Variants in ZSCAN9 observed in about 807,000 individuals in gnomAD.
ZSCAN9 encodes zinc finger and SCAN domain containing 9, also known as zinc finger and SCAN domain-containing protein 9.
A neutral mutation model predicts 23.0 loss-of-function variants in ZSCAN9; 19 were observed. That is an observed-to-expected ratio of 0.83 (90% confidence interval 0.58 to 1.21). The LOEUF (loss-of-function observed/expected upper bound fraction) is 1.21, where lower values mean the gene tolerates loss of function less well. Among genes scored for constraint, ZSCAN9 ranks in the 50% most tolerant of loss-of-function variants. ZSCAN9 has a pLI of 0.00. For synonymous variants in ZSCAN9, 155 were observed against 164.8 expected, an observed-to-expected ratio of 0.94 and a Z score of 0.46; for missense variants, 467 against 471.5, an observed-to-expected ratio of 0.99 and a Z score of 0.09.
intron 3 of ZSCAN9, among the ~76,000 whole-genome samples, chr6:28,230,060 T>G (rs1760250270): frequency 1.3e-5 from 2 of 152,140 alleles, no homozygotes; most frequent in Admixed American, 1.3e-4. Flanking sequence ...GGTTTCACTG[T>G]GTTAGCCAGG....
chr6:28,225,425 G>A (rs910395026), intron 1 of ZSCAN9, 59 bp downstream of exon 1: 6 of 152,464 alleles, frequency 3.9e-5, no homozygotes, highest in African/African-American at 1.4e-4. Flanking sequence ...GGCTGGAAAA[G>A]GGGTGTGGAA....
Position 28,227,298 on chromosome 6 carries a change from C to G in ZSCAN9, c.214C>G (p.Arg72Gly). The stretch of plus-strand genomic sequence containing the variant: ...CCCTGGACCAAGGGAGGCTCTTACT[C>G]GACTCCAGGAACTTTGCTACCAGTG... ...ETPGPREALT[R>G]LQELCYQWLR... The change falls in exon 2 of 4, where the codon CGA becomes GGA. Residue 72 changes from arginine (R) to glycine (G), a missense_variant. By Grantham distance (125) the Arg-to-Gly change is moderately radical. Transcript: ENST00000252207. 1 of 1,614,246 alleles carries G rather than the reference C, an allele frequency of 6.2e-7. No homozygotes were observed.
chr6:28,232,894 C>T lies in ZSCAN9; in HGVS notation c.901C>T (p.Arg301Ter), dbSNP rs753363538. The part of the protein sequence containing the change: ...FSRSSGLFNH[R>*]GIHNIQKRYH... Reference sequence around the variant, plus strand: ...TCGAAGTTCTGGTCTTTTTAATCACCGAGGAATCCACAATATACAGAAACG... The same window carrying T: ...TCGAAGTTCTGGTCTTTTTAATCACTGAGGAATCCACAATATACAGAAACG... Residue 301 changes from arginine (R) to a stop codon, truncating the protein, a stop_gained, in exon 4 of 4, where the codon CGA (arginine) becomes TGA (stop). Transcript: ENST00000252207. LOFTEE classifies it low-confidence loss of function (END_TRUNC). The T allele has an allele frequency of 5.6e-6, 9 of 1,614,026 alleles. No homozygotes were observed. The highest frequency in any genetic ancestry group is 1.1e-5 in the South Asian group (1 of 91,064).
rs1194288521 is a variant in ZSCAN9 at position 28,232,663 on chromosome 6, G to A, written c.670G>A (p.Val224Ile). The change falls in exon 4 of 4, where the codon GTA becomes ATA. Residue 224 changes from valine to isoleucine, a missense_variant. Coordinates refer to ENST00000252207, the MANE Select transcript of ZSCAN9 (RefSeq NM_006299.5). ...GKMFNEQTWE[V>I]SQQDPSHGEV... ...AATGTTTAATGAGCAGACCTGGGAG[G>A]TATCACAGCAGGATCCCTCACATGG... 1 of 1,614,206 alleles carries A rather than the reference G, an allele frequency of 6.2e-7. No homozygotes were observed.
chr6:28,232,766 A>G lies in ZSCAN9; in HGVS notation c.773A>G (p.Glu258Gly), dbSNP rs1429219185. 1 of 1,614,242 alleles carries G rather than the reference A, an allele frequency of 6.2e-7. No individual in the cohort carries two copies. Among genetic ancestry groups the G allele is most frequent in the Non-Finnish European group, 8.5e-7 (1 of 1,180,046 alleles). The change falls in exon 4 of 4, where the codon GAA becomes GGA. Residue 258 changes from glutamate to glycine, a missense_variant. Glu to Gly is a moderately conservative substitution (Grantham distance 98, BLOSUM62 -2). Coordinates refer to ENST00000252207, the MANE Select transcript of ZSCAN9 (RefSeq NM_006299.5). ...LLGEGQHKCDECGKSFTQSSG... is the reference protein window; with the variant it reads ...LLGEGQHKCDGCGKSFTQSSG... ...GGAGAGGGGCAACACAAATGTGATG[A>G]ATGTGGGAAGAGCTTTACTCAGAGC...
intron 3 of ZSCAN9, among the ~76,000 whole-genome samples, chr6:28,229,952 G>C (rs930439189): frequency 2.6e-5 from 4 of 151,720 alleles, no homozygotes; most frequent in Non-Finnish European, 4.4e-5. Context: ...CCGCCTCCCG[G>C]GTTCATGCCA....
At chr6:28,231,669 G>A (rs181704182) in intron 3 of ZSCAN9, among the ~76,000 whole-genome samples, 2 of 151,340 alleles carry the variant, frequency 1.3e-5, no homozygotes, top group African/African-American at 2.4e-5. Context: ...CAGGAGAATC[G>A]CTTGAATCCG....
At chr6:28,232,395 T>C (rs939082678) in intron 3 of ZSCAN9, among the ~76,000 whole-genome samples, 167 bp from the exon 4 acceptor site, 2 of 152,194 alleles carry the variant, frequency 1.3e-5, no homozygotes, top group Non-Finnish European at 2.9e-5. Flanking sequence ...ACCTGCATTA[T>C]GCCAAAGAGG....
In ZSCAN9 at chr6:28,232,561, G is replaced by T. The variant is rs1169736377; in HGVS notation, c.569-1G>T. ...TTACCTAGCCTTTTTCTTTGTTTCA[G>T]ATGAAGTAACCAAGACTGAGGACAG... On this transcript the variant is annotated splice_acceptor_variant, in intron 3 of 3. Transcript: ENST00000252207. LOFTEE classifies it high-confidence loss of function. 2 of 1,604,650 alleles carry T rather than the reference G, an allele frequency of 1.2e-6. No individual in the cohort carries two copies. The highest frequency in any genetic ancestry group is 3.4e-5 in the Admixed American group (2 of 59,088).
At position 28,233,259 on chromosome 6, in the gene ZSCAN9, C is replaced by T; in HGVS notation, c.*81C>T. The T allele has an allele frequency of 2.0e-6, 3 of 1,526,738 alleles. No homozygotes were observed. The highest frequency in any genetic ancestry group is 1.8e-6 in the Non-Finnish European group (2 of 1,141,394). 94.6% of individuals were successfully genotyped at this position (1,526,738 alleles called of 1,614,324 possible). ...GAGACTAGAAAATGCCTCTTTCTTC[C>T]TTTCTCCATGAAATGTGTTTGAAAC... On this transcript the variant is annotated 3_prime_UTR_variant, in exon 4 of 4. Coordinates refer to ENST00000252207, the MANE Select transcript of ZSCAN9 (RefSeq NM_006299.5).
chr6:28,226,793 T>TA (rs901499497), intron 1 of ZSCAN9: 310 of 189,482 alleles, frequency 1.6e-3, no homozygotes, highest in South Asian at 4.5e-3. Context: ...ATTCCCCATT[T>TA]AAAAAAAAAA....
chr6:28,231,603 A>T (rs766927115), intron 3 of ZSCAN9, among the ~76,000 whole-genome samples: 3 of 152,080 alleles, frequency 2.0e-5, no homozygotes, highest in Non-Finnish European at 4.4e-5. Context: ...ACAAACAAAA[A>T]ATTAGCCAGG....
chr6:28,232,992 A>G lies in ZSCAN9; in HGVS notation c.999A>G (p.Lys333=), dbSNP rs928803427. ...TTATCCAGCATCAGAGAATCCACAAAGGAGAAAAGCCGTATCAGTGCAGCC... is the reference window on the plus strand; with the variant it reads ...TTATCCAGCATCAGAGAATCCACAAGGGAGAAAAGCCGTATCAGTGCAGCC... ...AGLIQHQRIH[K]GEKPYQCSQC... Residue 333 remains lysine, a synonymous_variant, in exon 4 of 4, where the codon AAA becomes AAG. Coordinates refer to ENST00000252207, the MANE Select transcript of ZSCAN9 (RefSeq NM_006299.5). The G allele has an allele frequency of 6.8e-6, 11 of 1,614,088 alleles. No homozygotes were observed. In the African/African-American group the frequency reaches 1.2e-4, roughly 18 times the overall value.
chr6:28,230,520 G>A (rs1259695171), intron 3 of ZSCAN9: 3 of 1,527,644 alleles, frequency 2.0e-6, no homozygotes, highest in Non-Finnish European at 2.6e-6. Context: ...AGACAGGACA[G>A]TTAGATATGG....
rs368278958 is a variant in ZSCAN9 at position 28,233,074 on chromosome 6, A to G, written c.1081A>G (p.Thr361Ala). Residue 361 changes from threonine to alanine, a missense_variant, in exon 4 of 4, where the codon ACA becomes GCA. Physicochemically the swap from Thr to Ala is moderately conservative, Grantham distance 58 (BLOSUM62 0). Transcript: ENST00000252207. ...TCTCATTGAACATCAGAGAAGCCAC[A>G]CAGGGGAGCGACCTCACCAGTGCAT... ...SFLIEHQRSH[T>A]GERPHQCIEC... The G allele has an allele frequency of 1.9e-6, 3 of 1,614,086 alleles. No homozygotes were observed. In the African/African-American group the frequency reaches 4.0e-5, roughly 22 times the overall value.
At chr6:28,230,396 C>T (rs1281467410) in intron 3 of ZSCAN9, 17 of 1,536,068 alleles carry the variant, frequency 1.1e-5, no homozygotes, top group Non-Finnish European at 1.4e-5. Context: ...CATCTGTTCT[C>T]TACAGACACA....
rs1402925043 is a variant in ZSCAN9, at chr6:28,227,481, G to C, written c.397G>C (p.Glu133Gln). Residue 133 changes from glutamate to glutamine, a missense_variant, in exon 2 of 4, where the codon GAG becomes CAG. By Grantham distance (29) the Glu-to-Gln change is conservative. Transcript: ENST00000252207. ...AVILLEDLER[E>Q]LDEPQHEMVA... ...GATTTTGCTGGAGGATCTGGAGAGA[G>C]AGCTCGATGAACCACAACATGAGGT... The C allele has an allele frequency of 6.2e-7, 1 of 1,602,466 alleles. No individual in the cohort carries two copies. The highest frequency in any genetic ancestry group is 8.5e-7 in the Non-Finnish European group (1 of 1,174,856).
rs762199415 is a variant in ZSCAN9 at position 28,233,049 on chromosome 6, T to G, written c.1056T>G (p.Phe352Leu). The G allele has an allele frequency of 3.1e-6, 5 of 1,614,112 alleles. No homozygotes were observed. In the Admixed American group the frequency reaches 8.3e-5, roughly 27 times the overall value. The change falls in exon 4 of 4, where the codon TTT (phenylalanine) becomes TTG (leucine). Residue 352 changes from phenylalanine (F) to leucine (L), a missense_variant. By Grantham distance (22) the Phe-to-Leu change is conservative. Transcript: ENST00000252207. ...GTAAGAGCTACAGTCGGCGTTCATT[T>G]CTCATTGAACATCAGAGAAGCCACA... ...QCSKSYSRRS[F>L]LIEHQRSHTG...
intron 1 of ZSCAN9, among the ~76,000 whole-genome samples, chr6:28,225,973 A>G (rs145205412): frequency 2.0e-3 from 298 of 152,310 alleles, no homozygotes; most frequent in African/African-American, 6.5e-3. Flanking sequence ...CATTTTGGAG[A>G]CACACATTTT....
Sources: gnomAD v4.1 joint callset for allele counts (sites outside exome capture counted in the v4.1 genomes callset) on GRCh38, gnomAD v4.1.1 for gene constraint, MANE v1.5 for transcripts, NCBI Gene and HGNC (gene_info 2026-07-23, HGNC 2026-07-21) for gene names.